The following HS3ST2 variants were observed in gnomAD, a reference collection of about 807,000 sequenced individuals.
HS3ST2 encodes the protein heparan sulfate-glucosamine 3-sulfotransferase 2.
In HS3ST2, 17 loss-of-function variants were observed where a neutral mutation model predicts 26.3. The ratio of observed to expected loss-of-function variants is 0.65; its 90% CI spans 0.44 to 0.97. The LOEUF (loss-of-function observed/expected upper bound fraction) is 0.97. Among genes scored for constraint, HS3ST2 ranks in the 50% least tolerant of loss-of-function variants. The probability of loss-of-function intolerance (pLI) is 0.00; values close to 1 mark genes in which losing one functional copy is unlikely to be tolerated. For missense variants in HS3ST2, 402 were observed against 501.2 expected, an observed-to-expected ratio of 0.80 and a Z score of 1.89; for synonymous variants, 237 against 219.2, an observed-to-expected ratio of 1.08 and a Z score of -0.72.
In HS3ST2 at chr16:22,915,024, G is replaced by C. The variant is rs760879006; in HGVS notation, c.566G>C (p.Arg189Pro). The C allele has an allele frequency of 2.5e-6, 4 of 1,614,004 alleles. No homozygotes were observed. The highest frequency in any genetic ancestry group is 2.5e-6 in the Non-Finnish European group (3 of 1,180,028). Residue 189 changes from arginine to proline, a missense_variant, in exon 2 of 2, where the codon CGA (arginine) becomes CCA (proline). By Grantham distance (103) the Arg-to-Pro change is moderately radical. Around this residue, in one of 2 missense-constraint regions of HS3ST2, gnomAD observed 237 missense variants for 346.6 expected, o/e 0.68. Transcript: ENST00000261374. ...TACTTTGTCACTCAAGAGGCTCCTC[G>C]ACGCATCTTCAACATGTCCCGAGAC... is the stretch of plus-strand genomic sequence containing the variant. The part of the protein sequence containing the change: ...PSYFVTQEAP[R>P]RIFNMSRDTK...
chr16:22,832,828 C>T (rs1424068118), intron 1 of HS3ST2, among the ~76,000 whole-genome samples: 1 of 151,706 alleles, frequency 6.6e-6, no homozygotes, highest in African/African-American at 2.4e-5. Context: ...CTACTGACAG[C>T]ACCGATGACC....
rs533278914 is a variant in HS3ST2, at chr16:22,850,834, C to A, written c.485+35739C>A. On this transcript the variant is annotated intron_variant, in intron 1 of 1. Transcript: ENST00000261374. ...CAAAACACCAAAAACACAACAACAA[C>A]AAAAAAAACAGAATCTCTCATACAG... Among the ~76,000 whole-genome samples, 1,246 of 151,804 alleles carry A rather than the reference C, an allele frequency of 8.2e-3. 16 individuals carry two copies. The highest frequency in any genetic ancestry group is 9.9e-3 in the Non-Finnish European group (672 of 67,890).
rs769338246 is a variant in HS3ST2 at position 22,814,892 on chromosome 16, C to T, written c.282C>T (p.Pro94=). The T allele has an allele frequency of 6.4e-7, 1 of 1,567,148 alleles. No individual in the cohort carries two copies. Among genetic ancestry groups the T allele is most frequent in the African/African-American group, 1.4e-5 (1 of 73,756 alleles). Residue 94 remains proline, a synonymous_variant, in exon 1 of 2, where the codon CCC becomes CCT. Coordinates refer to ENST00000261374, the MANE Select transcript of HS3ST2 (RefSeq NM_006043.2). ...SAPSAPAAAV[P]APRLSGSNHS... is the part of the protein sequence containing the mutation. ...CCAGCGCGCCCGCCGCCGCCGTGCC[C>T]GCCCCTCGCCTCTCCGGTTCCAACC...
intron 1 of HS3ST2, among the ~76,000 whole-genome samples, chr16:22,883,925 C>A (rs1902026782): frequency 6.6e-6 from 1 of 152,190 alleles, no homozygotes; most frequent in Non-Finnish European, 1.5e-5. Context: ...ACTTCCCTCA[C>A]CCTCTCTGGG....
Position 22,863,119 on chromosome 16 carries a change from G to A in HS3ST2, c.485+48024G>A, listed in dbSNP as rs116935209. Among the ~76,000 whole-genome samples the A allele has an allele frequency of 3.9e-3, 593 of 152,278 alleles. 4 individuals are homozygous for A. The highest frequency in any genetic ancestry group is 6.0e-3 in the Non-Finnish European group (410 of 68,024). ...TTCTGTGGGATCATCTGGATTTTCT[G>A]GTAGCCTCACTAGTGCCTCCAAATG... On this transcript the variant is annotated intron_variant, in intron 1 of 1. Coordinates refer to ENST00000261374, the MANE Select transcript of HS3ST2 (RefSeq NM_006043.2).
chr16:22,846,323 T>C (rs780380396), intron 1 of HS3ST2, among the ~76,000 whole-genome samples: 2 of 151,982 alleles, frequency 1.3e-5, no homozygotes, highest in Non-Finnish European at 2.9e-5. Context: ...TTTATATATA[T>C]GTATATATTA....
chr16:22,829,032 G>A (rs1901131008), intron 1 of HS3ST2, among the ~76,000 whole-genome samples: 1 of 152,212 alleles, frequency 6.6e-6, no homozygotes, highest in Non-Finnish European at 1.5e-5. Context: ...TCAAATTTGG[G>A]CATCATTCAA....
intron 1 of HS3ST2, among the ~76,000 whole-genome samples, chr16:22,883,318 A>G (rs554667681): frequency 6.6e-6 from 1 of 152,386 alleles, no homozygotes; most frequent in African/African-American, 2.4e-5. Context: ...CCTTTCAGAG[A>G]CAGCCAGAAA....
At chr16:22,815,215 C>A in intron 1 of HS3ST2, 120 bp downstream of exon 1, 1 of 1,293,270 alleles carries the variant, frequency 7.7e-7, no homozygotes, top group Non-Finnish European at 1.1e-6. Flanking sequence ...TTCAGGCTGA[C>A]ACACAGGGCC....
At chr16:22,848,300 A>G (rs208964) in intron 1 of HS3ST2, among the ~76,000 whole-genome samples, 135,797 of 152,254 alleles carry the variant, frequency 0.89, 60,995 homozygotes, top group African/African-American at 0.98. Context: ...TCTGATGGCT[A>G]TCACAAGGAC....
At chr16:22,852,205 A>G (rs1323134234) in intron 1 of HS3ST2, among the ~76,000 whole-genome samples, 1 of 152,210 alleles carries the variant, frequency 6.6e-6, no homozygotes, top group South Asian at 2.1e-4. Context: ...TTAAAGACTT[A>G]TCTGGCCCCA....
chr16:22,877,401 A>G (rs149199004), intron 1 of HS3ST2, among the ~76,000 whole-genome samples: 1 of 152,346 alleles, frequency 6.6e-6, no homozygotes, highest in East Asian at 1.9e-4. Flanking sequence ...TTTGCCAACT[A>G]GTTGACTCAA....
chr16:22,842,217 A>G (rs1901369563), intron 1 of HS3ST2, among the ~76,000 whole-genome samples: 1 of 151,334 alleles, frequency 6.6e-6, no homozygotes, highest in South Asian at 2.1e-4. Flanking sequence ...ATGTGCCACC[A>G]CACCCAGCTA....
chr16:22,896,013 T>C (rs1443061112), intron 1 of HS3ST2, among the ~76,000 whole-genome samples: 2 of 151,988 alleles, frequency 1.3e-5, no homozygotes, highest in African/African-American at 4.8e-5. Flanking sequence ...GGTCTTACTA[T>C]GTTGCCTAGA....
intron 1 of HS3ST2, among the ~76,000 whole-genome samples, chr16:22,859,480 TA>T (rs1901646583): frequency 6.6e-6 from 1 of 152,262 alleles, no homozygotes; most frequent in African/African-American, 2.4e-5. Flanking sequence ...ATCACTGATT[TA>T]CTGCTTATAC....
intron 1 of HS3ST2, among the ~76,000 whole-genome samples, chr16:22,888,379 T>C (rs1403430116): frequency 5.5e-5 from 5 of 91,410 alleles, no homozygotes; most frequent in Admixed American, 1.2e-4. Context: ...TTTTCTTTTT[T>C]TTTTTTTTTT....
At chr16:22,878,126 G>T (rs895572167) in intron 1 of HS3ST2, among the ~76,000 whole-genome samples, 4 of 152,186 alleles carry the variant, frequency 2.6e-5, no homozygotes, top group Admixed American at 1.3e-4. Flanking sequence ...GATCTGGAAA[G>T]GTCCAAGTGC....
intron 1 of HS3ST2, among the ~76,000 whole-genome samples, chr16:22,904,876 G>T (rs2035158822): frequency 6.6e-6 from 1 of 152,170 alleles, no homozygotes; most frequent in Admixed American, 6.5e-5. Flanking sequence ...GGACTTGGAA[G>T]GAAATGGTCC....
At position 22,814,802 on chromosome 16, in the gene HS3ST2, G is replaced by A; in HGVS notation, c.192G>A (p.Gln64=). ...RCLRGPSAGG[Q]KLLQKSRPCD... is the part of the protein sequence containing the mutation. ...TCCGCGGCCCCAGCGCGGGCGGCCA[G>A]AAACTTCTCCAGAAGTCCCGCCCCT... Residue 64 remains glutamine (Q), a synonymous_variant, in exon 1 of 2, where the codon CAG becomes CAA. Coordinates refer to ENST00000261374, the MANE Select transcript of HS3ST2 (RefSeq NM_006043.2). The A allele has an allele frequency of 6.3e-7, 1 of 1,588,770 alleles. No homozygotes were observed.
Sources: gnomAD v4.1 joint callset for allele counts (sites outside exome capture counted in the v4.1 genomes callset) on GRCh38, gnomAD v4.1.1 for gene constraint, gnomAD v4.1.1 regional missense constraint, MANE v1.5 for transcripts, NCBI Gene and HGNC (gene_info 2026-07-23, HGNC 2026-07-21) for gene names.